Variants in SNX27 observed in about 807,000 individuals in gnomAD.
The protein encoded by SNX27 is sorting nexin 27, also known as sorting nexin-27.
SNX27 carries 22 observed loss-of-function variants against 71.6 expected under a neutral mutation model. That is an observed-to-expected ratio of 0.31 (90% CI 0.22 to 0.44). SNX27 has a LOEUF of 0.44. Among genes scored for constraint, SNX27 ranks in the 20% least tolerant of loss-of-function variants. SNX27 has a pLI of 1.00. For missense variants in SNX27, 531 were observed against 698.6 expected (o/e 0.76, Z 2.70); for synonymous variants, 269 against 277.2 (o/e 0.97, Z 0.29).
chr1:151,660,960 C>G (rs990947240), intron 4 of SNX27, 98 bp downstream of exon 4: 1 of 849,048 alleles, frequency 1.2e-6, no homozygotes, highest in Non-Finnish European at 2.0e-6. Context: ...TCCATAAGCT[C>G]TCCAAAGGAC....
chr1:151,652,933 T>C (rs571769877), intron 2 of SNX27, among the ~76,000 whole-genome samples: 2 of 150,804 alleles, frequency 1.3e-5, no homozygotes, highest in Non-Finnish European at 3.0e-5. Context: ...GTTTCTTTTT[T>C]TTTTTTTTTT....
At chr1:151,637,402 TCTC>T (rs1668517446) in intron 1 of SNX27, among the ~76,000 whole-genome samples, 2 of 152,084 alleles carry the variant, frequency 1.3e-5, no homozygotes, top group African/African-American at 4.8e-5. Context: ...AAGGTCTTGA[TCTC>T]CTGACCTTGT....
chr1:151,665,657 T>G (rs183771963), intron 5 of SNX27, among the ~76,000 whole-genome samples: 6 of 152,286 alleles, frequency 3.9e-5, no homozygotes, highest in Non-Finnish European at 8.8e-5. Flanking sequence ...GAGACTATTA[T>G]CAGCTTACAC....
At chr1:151,620,694 C>CTTT (rs35641892) in intron 1 of SNX27, among the ~76,000 whole-genome samples, 118 of 143,696 alleles carry the variant, frequency 8.2e-4, no homozygotes, top group Middle Eastern at 3.6e-3. Flanking sequence ...TTTGAAGATG[C>CTTT]TTTTTTTTTT....
rs1313575598 is a variant in SNX27 at position 151,658,384 on chromosome 1, A to G, written c.693A>G (p.Gln231=). 3 of 1,614,010 alleles carry G rather than the reference A, an allele frequency of 1.9e-6. No homozygotes were observed. Among genetic ancestry groups the G allele is most frequent in the African/African-American group, 2.7e-5 (2 of 74,914 alleles). ...GKWPFSLSEQ[Q]LDARRRGLEE... ...GGCCATTTTCATTATCAGAACAACAATTAGATGCCCGACGTCGGGGATTGG... is the reference window on the plus strand; with the variant it reads ...GGCCATTTTCATTATCAGAACAACAGTTAGATGCCCGACGTCGGGGATTGG... Residue 231 remains glutamine, a synonymous_variant, in exon 3 of 12, where the codon CAA becomes CAG. Coordinates refer to ENST00000458013, the MANE Select transcript of SNX27 (RefSeq NM_001330723.2).
chr1:151,629,499 A>G (rs955690076), intron 1 of SNX27: 4 of 150,294 alleles, frequency 2.7e-5, no homozygotes, highest in South Asian at 4.2e-4. Context: ...ATGTATGCGT[A>G]TATATATACA....
chr1:151,682,312 G>GT (rs902749613), intron 7 of SNX27, among the ~76,000 whole-genome samples: 21 of 151,540 alleles, frequency 1.4e-4, no homozygotes, highest in East Asian at 7.8e-4. Flanking sequence ...AGAAAGGAAG[G>GT]TTTTTTTTTG....
At position 151,696,683 on chromosome 1, in the gene SNX27, T is replaced by C. The variant is rs187484699; in HGVS notation, c.*2266T>C. On this transcript the variant is annotated 3_prime_UTR_variant, in exon 12 of 12. Transcript: ENST00000458013. The stretch of plus-strand genomic sequence containing the variant: ...TTTTTTTTTTTTCCCAGAGTCTTGC[T>C]CTGTCGCCCAGGTTGGAGTGCAGTG... 57 of 143,320 alleles carry C rather than the reference T, an allele frequency of 4.0e-4. No homozygotes were observed. The highest frequency in any genetic ancestry group is 1.5e-3 in the African/African-American group (57 of 37,986). 8.9% of individuals were successfully genotyped at this position (143,320 alleles called of 1,614,324 possible). A position where few individuals can be genotyped will look rare whatever the true frequency, so the allele number is the denominator to read the frequency against.
intron 1 of SNX27, among the ~76,000 whole-genome samples, chr1:151,638,164 T>C (rs1201238628): frequency 6.6e-6 from 1 of 152,260 alleles, no homozygotes; most frequent in Middle Eastern, 3.2e-3. Context: ...CATATAATTA[T>C]AGGTGTATAT....
chr1:151,638,288 A>C (rs142010863), intron 1 of SNX27, among the ~76,000 whole-genome samples: 143 of 152,352 alleles, frequency 9.4e-4, no homozygotes, highest in African/African-American at 3.3e-3. Context: ...TGTGAAGAGT[A>C]ATACCATTTA....
Position 151,612,526 on chromosome 1 carries a change from C to A in SNX27, c.311+14C>A. The A allele has an allele frequency of 2.2e-6, 3 of 1,349,326 alleles. No homozygotes were observed. The highest frequency in any genetic ancestry group is 2.9e-6 in the Non-Finnish European group (3 of 1,052,570). 83.6% of individuals were successfully genotyped at this position (1,349,326 alleles called of 1,614,324 possible). Reference sequence around the variant, plus strand: ...CATCCTGGAGGTGTGAGTATCGGGGCTACCCGCCGCCCCATCCTCCCCGCG... The same window carrying A: ...CATCCTGGAGGTGTGAGTATCGGGGATACCCGCCGCCCCATCCTCCCCGCG... On this transcript the variant is annotated intron_variant, in intron 1 of 11. Transcript: ENST00000458013. This position sits in a 1 kb window ranked among gnomAD's most constrained non-coding sequence, Gnocchi z 5.2.
intron 7 of SNX27, chr1:151,680,308 C>T (rs1009682289): frequency 2.6e-5 from 4 of 152,104 alleles, no homozygotes; most frequent in African/African-American, 9.7e-5. Context: ...CTGCTCCCTC[C>T]TCCACATCCG....
chr1:151,622,196 C>G (rs1224723819), intron 1 of SNX27, among the ~76,000 whole-genome samples: 1 of 151,964 alleles, frequency 6.6e-6, no homozygotes, highest in Non-Finnish European at 1.5e-5. Context: ...GGGTCATATC[C>G]CTTCAAAAGT....
intron 1 of SNX27, among the ~76,000 whole-genome samples, chr1:151,624,725 C>T (rs906754395): frequency 1.3e-5 from 2 of 152,036 alleles, no homozygotes; most frequent in Non-Finnish European, 2.9e-5. Flanking sequence ...AGCCACCACG[C>T]CCGGCCAGCT....
At chr1:151,661,899 C>G (rs1669978950) in intron 4 of SNX27, among the ~76,000 whole-genome samples, 2 of 152,168 alleles carry the variant, frequency 1.3e-5, no homozygotes, top group South Asian at 4.1e-4. Flanking sequence ...TGTGTTTGAC[C>G]TAGACTGTTT....
intron 10 of SNX27, 101 bp downstream of exon 10, chr1:151,693,140 T>TC: frequency 6.7e-7 from 1 of 1,490,854 alleles, no homozygotes. Flanking sequence ...CTAGTAGTTG[T>TC]CTTGAGATCC....
At chr1:151,616,259 G>A (rs12122920) in intron 1 of SNX27, among the ~76,000 whole-genome samples, 61,033 of 152,040 alleles carry the variant, frequency 0.4, 15,448 homozygotes, top group Non-Finnish European at 0.58. Context: ...ATTTTCTTAA[G>A]GTTAAAGTAG....
rs188461545 is a variant in SNX27 at position 151,650,247 on chromosome 1, C to T, written c.544-7988C>T. On this transcript the variant is annotated intron_variant, in intron 2 of 11. Transcript: ENST00000458013. ...CTTGCTATGTTCCCCAGGCTATTCT[C>T]ACACTCTCAGCCTCAGCAATCCTCC... is the stretch of plus-strand genomic sequence containing the variant. Among the ~76,000 whole-genome samples the T allele has an allele frequency of 3.9e-3, 599 of 152,216 alleles. 6 individuals carry two copies. Among genetic ancestry groups the T allele is most frequent in the African/African-American group, 0.014 (574 of 41,540 alleles).
At chr1:151,694,221 T>C in intron 11 of SNX27, 149 bp from the exon 12 acceptor site, 1 of 1,418,214 alleles carries the variant, frequency 7.1e-7, no homozygotes, top group Admixed American at 2.8e-5. Flanking sequence ...TCTAAAAGGC[T>C]ATGATTCTAG....
Sources: gnomAD v4.1 joint callset for allele counts (sites outside exome capture counted in the v4.1 genomes callset) on GRCh38, gnomAD v4.1.1 for gene constraint, Gnocchi (gnomAD v3.1) non-coding constraint, MANE v1.5 for transcripts, NCBI Gene and HGNC (gene_info 2026-07-23, HGNC 2026-07-21) for gene names.